CD300LD: variants seen among roughly 807,000 people sequenced by gnomAD.
The protein encoded by CD300LD is CD300 molecule like family member d.
In CD300LD, 18 loss-of-function variants were observed where a neutral mutation model predicts 20.3. The ratio of observed to expected loss-of-function variants is 0.89; its 90% CI spans 0.61 to 1.32. The LOEUF (loss-of-function observed/expected upper bound fraction) is 1.32. Among genes scored for constraint, CD300LD ranks in the 40% most tolerant of loss-of-function variants. CD300LD has a pLI of 0.00. For missense variants in CD300LD, 195 were observed against 226.6 expected, an observed-to-expected ratio of 0.86 and a Z score of 0.90; for synonymous variants, 104 against 90.1, an observed-to-expected ratio of 1.15 and a Z score of -0.87.
At chr17:74,582,416 G>A in intron 2 of CD300LD, 105 bp from the exon 3 acceptor site, 1 of 830,012 alleles carries the variant, frequency 1.2e-6, no homozygotes. Context: ...CTCTGCCTTG[G>A]GGTCCAAGAC....
At position 74,588,822 on chromosome 17, in the gene CD300LD, C is replaced by T. The variant is rs1247071031; in HGVS notation, c.68G>A (p.Gly23Asp). The change falls in exon 2 of 4, where the codon GGT (glycine) becomes GAT (aspartate). Residue 23 changes from glycine to aspartate, a missense_variant. Physicochemically the swap from Gly to Asp is moderately conservative, Grantham distance 94. Coordinates refer to ENST00000375352, the MANE Select transcript of CD300LD (RefSeq NM_001115152.2). ...CTCCGAGCCATTCACTGTTGTTGGA[C>T]CAGTGATTTTAGCGGCAATGGAGTA... ...PGYSIAAKIT[G>D]PTTVNGSEQG... 6.2e-7 allele frequency: 1 copy of T among 1,609,238 alleles called. No individual in the cohort carries two copies. Among genetic ancestry groups the T allele is most frequent in the African/African-American group, 1.3e-5 (1 of 74,830 alleles).
intron 2 of CD300LD, among the ~76,000 whole-genome samples, chr17:74,586,996 A>G (rs2030178741): frequency 6.6e-6 from 1 of 152,142 alleles, no homozygotes; most frequent in South Asian, 2.1e-4. Context: ...CTAAAAATAC[A>G]AAATTAGCTG....
chr17:74,583,010 G>A (rs2143274875), intron 2 of CD300LD, among the ~76,000 whole-genome samples: 1 of 152,210 alleles, frequency 6.6e-6, no homozygotes, highest in Middle Eastern at 3.4e-3. Context: ...TTAAATCAAG[G>A]TATAACTGAC....
chr17:74,586,245 AC>A (rs1302800289), intron 2 of CD300LD, among the ~76,000 whole-genome samples: 4 of 152,244 alleles, frequency 2.6e-5, no homozygotes, highest in Admixed American at 6.5e-5. Flanking sequence ...TCATTGCTCT[AC>A]AATGTTGGCT....
At chr17:74,590,924 A>C (rs1337576836) in intron 1 of CD300LD, among the ~76,000 whole-genome samples, 2 of 152,028 alleles carry the variant, frequency 1.3e-5, no homozygotes, top group East Asian at 3.9e-4. Context: ...AATAAATATT[A>C]GCTGGGTGTC....
At chr17:74,591,449 G>A (rs934995888) in intron 1 of CD300LD, among the ~76,000 whole-genome samples, 1 of 151,916 alleles carries the variant, frequency 6.6e-6, no homozygotes, top group Non-Finnish European at 1.5e-5. Flanking sequence ...AGCCAAAGCT[G>A]TACTCAAATA....
At chr17:74,582,984 T>G (rs1448323976) in intron 2 of CD300LD, among the ~76,000 whole-genome samples, 2 of 152,206 alleles carry the variant, frequency 1.3e-5, no homozygotes, top group African/African-American at 4.8e-5. Flanking sequence ...TGTCTTTTTA[T>G]ATCATTTTTC....
chr17:74,580,159 G>A (rs1437182652), intron 3 of CD300LD, 46 bp from the exon 4 acceptor site: 13 of 1,252,704 alleles, frequency 1.0e-5, no homozygotes, highest in Admixed American at 3.9e-5. Flanking sequence ...CTGGGTCAGA[G>A]GTCTCAGGTC....
chr17:74,582,092 T>A lies in CD300LD; in HGVS notation c.473+126A>T, dbSNP rs1719461. On this transcript the variant is annotated intron_variant, in intron 3 of 3. Coordinates refer to ENST00000375352, the MANE Select transcript of CD300LD (RefSeq NM_001115152.2). ...GTTGGGATATACTTATGCTAAAAAATGTTTTGTTGTTTGTCTGAAATTGCA... is the reference window on the plus strand; with the variant it reads ...GTTGGGATATACTTATGCTAAAAAAAGTTTTGTTGTTTGTCTGAAATTGCA... 2,113 of 644,564 alleles carry A rather than the reference T, an allele frequency of 3.3e-3. 45 individuals are homozygous for A. In the African/African-American group the frequency reaches 0.035, roughly 11 times the overall value. The allele number at this position is 644,564 out of a possible 1,614,324, so 39.9% of individuals were successfully genotyped here. A position where few individuals can be genotyped will look rare whatever the true frequency, so the allele number is the denominator to read the frequency against.
At chr17:74,585,167 A>G (rs889665271) in intron 2 of CD300LD, among the ~76,000 whole-genome samples, 1 of 152,250 alleles carries the variant, frequency 6.6e-6, no homozygotes, top group Admixed American at 6.5e-5. Flanking sequence ...GTCACTATAC[A>G]TAACCCGTGG....
Position 74,579,979 on chromosome 17 carries a change from T to C in CD300LD, c.*23A>G. The stretch of plus-strand genomic sequence containing the variant: ...ACGTCAATGGGCATTGGGACTCTCA[T>C]CATCGGGCTGACTCCTCCTCCTTCA... On this transcript the variant is annotated 3_prime_UTR_variant, in exon 4 of 4. Transcript: ENST00000375352. 1 of 1,504,584 alleles carries C rather than the reference T, an allele frequency of 6.6e-7. No individual in the cohort carries two copies. The highest frequency in any genetic ancestry group is 9.2e-7 in the Non-Finnish European group (1 of 1,083,852). The allele number at this position is 1,504,584 out of a possible 1,614,324, so 93.2% of individuals were successfully genotyped here. A position where few individuals can be genotyped will look rare whatever the true frequency, so the allele number is the denominator to read the frequency against.
intron 3 of CD300LD, among the ~76,000 whole-genome samples, chr17:74,580,437 T>C (rs1247342578): frequency 6.6e-6 from 1 of 152,262 alleles, no homozygotes; most frequent in African/African-American, 2.4e-5. Flanking sequence ...CCTCGGCTTC[T>C]GCTGCATTCT....
downstream of CD300LD, chr17:74,579,239 G>C (rs2029980032): frequency 6.6e-6 from 1 of 152,164 alleles, no homozygotes; most frequent in Admixed American, 6.5e-5. Context: ...ACCAGAGTTT[G>C]GTTCCGTTTT....
intron 2 of CD300LD, among the ~76,000 whole-genome samples, chr17:74,585,985 A>G (rs1357467287): frequency 2.0e-5 from 3 of 152,202 alleles, no homozygotes; most frequent in Admixed American, 6.5e-5. Flanking sequence ...CTGGGCCACA[A>G]TTCCTGAGGA....
At chr17:74,591,262 A>AAAATAATAAT (rs1555650249) in intron 1 of CD300LD, among the ~76,000 whole-genome samples, 1 of 114,118 alleles carries the variant, frequency 8.8e-6, no homozygotes, top group South Asian at 2.4e-4. Context: ...AAAAAAAAAA[A>AAAATAATAAT]AATAAAAATA....
Position 74,580,100 on chromosome 17 carries a change from T to A in CD300LD, c.487A>T (p.Ser163Cys). The A allele has an allele frequency of 5.6e-6, 9 of 1,611,038 alleles. No homozygotes were observed. The highest frequency in any genetic ancestry group is 7.6e-6 in the Non-Finnish European group (9 of 1,178,394). The change falls in exon 4 of 4, where the codon AGC becomes TGC. Residue 163 changes from serine to cysteine, a missense_variant. Transcript: ENST00000375352. ...AGGAACAGGAACAGGAAGTGGGTGC[T>A]CTTGAGCGGGGACCTGTGGGAACAC... The part of the protein sequence containing the change: ...SSPLTRSPLK[S>C]THFLFLFLLE...
chr17:74,580,023 G>A lies in CD300LD; in HGVS notation c.564C>T (p.Asn188=), dbSNP rs769221550. ...LSMLGTVLWV[N]RPQRRS is the part of the protein sequence containing the mutation. ...TCCTTCAAGACCTTCTTTGTGGTCT[G>A]TTTACCCAGAGGACGGTCCCCAGCA... The change falls in exon 4 of 4, where the codon AAC becomes AAT. Residue 188 remains asparagine (N), a synonymous_variant. Coordinates refer to ENST00000375352, the MANE Select transcript of CD300LD (RefSeq NM_001115152.2). 91 of 1,612,042 alleles carry A rather than the reference G, an allele frequency of 5.6e-5. No homozygotes were observed. The East Asian group carries it at 2.0e-3, about 35-fold the overall frequency.
At chr17:74,589,398 G>A (rs1381156627) in intron 1 of CD300LD, among the ~76,000 whole-genome samples, 2 of 152,182 alleles carry the variant, frequency 1.3e-5, no homozygotes, top group African/African-American at 4.8e-5. Flanking sequence ...GCCATACAGT[G>A]TTATAAATTC....
intron 3 of CD300LD, among the ~76,000 whole-genome samples, chr17:74,581,693 C>G (rs1261405305): frequency 6.6e-6 from 1 of 152,252 alleles, no homozygotes; most frequent in East Asian, 1.9e-4. Flanking sequence ...TCCTAACCCA[C>G]TAAAGGCCAA....
Sources: gnomAD v4.1 joint callset for allele counts (sites outside exome capture counted in the v4.1 genomes callset) on GRCh38, gnomAD v4.1.1 for gene constraint, MANE v1.5 for transcripts, NCBI Gene and HGNC (gene_info 2026-07-23, HGNC 2026-07-21) for gene names.